PPP1R9A: variants seen among roughly 807,000 people sequenced by gnomAD.
The protein encoded by PPP1R9A is neurabin-1.
PPP1R9A carries 59 observed loss-of-function variants against 141.9 expected under a neutral mutation model. The observed-to-expected ratio is 0.42, with a 90% confidence interval of 0.34 to 0.52. The LOEUF is 0.52. PPP1R9A is among the 20% of genes least tolerant of loss of function. The pLI, the probability that PPP1R9A is intolerant of heterozygous loss-of-function variation, is 0.10. For missense variants in PPP1R9A, 1,444 were observed against 1,611.9 expected (o/e 0.90, Z 1.78); for synonymous variants, 500 against 569.7 (o/e 0.88, Z 1.74).
rs1790073788 is a variant in PPP1R9A at position 95,203,664 on chromosome 7, G to A, written c.1891-1G>A. The A allele has an allele frequency of 6.5e-7, 1 of 1,535,520 alleles. No individual in the cohort carries two copies. The highest frequency in any genetic ancestry group is 1.4e-5 in the African/African-American group (1 of 72,950). On this transcript the variant is annotated splice_acceptor_variant, in intron 6 of 19. Transcript: ENST00000433360. LOFTEE classifies it high-confidence loss of function. ...TTAATATTTTTTGTCAACCATTTTA[G>A]AACACTGTGGCTGAATTGCAAGGAA...
chr7:95,276,542 A>C (rs1585597626), intron 16 of PPP1R9A, among the ~76,000 whole-genome samples: 5 of 152,174 alleles, frequency 3.3e-5, no homozygotes, highest in Non-Finnish European at 7.3e-5. Context: ...TATTGTACAC[A>C]TACCCACACT....
At chr7:94,966,349 C>G (rs763405701) in intron 2 of PPP1R9A, among the ~76,000 whole-genome samples, 1 of 152,256 alleles carries the variant, frequency 6.6e-6, no homozygotes, top group East Asian at 1.9e-4. Context: ...ACTTCCAATA[C>G]TGTGTTGAAT....
At chr7:94,981,390 C>T (rs1800091307) in intron 2 of PPP1R9A, among the ~76,000 whole-genome samples, 1 of 152,134 alleles carries the variant, frequency 6.6e-6, no homozygotes, top group Non-Finnish European at 1.5e-5. Context: ...CAGGAGTGCG[C>T]TACCGCAGCC....
chr7:95,099,007 A>G (rs914316371), intron 2 of PPP1R9A, among the ~76,000 whole-genome samples: 1 of 152,130 alleles, frequency 6.6e-6, no homozygotes, highest in African/African-American at 2.4e-5. Flanking sequence ...TAATCTCACC[A>G]TGTGTGCACA....
At chr7:95,123,828 T>C (rs1457070303) in intron 4 of PPP1R9A, among the ~76,000 whole-genome samples, 1 of 152,218 alleles carries the variant, frequency 6.6e-6, no homozygotes, top group East Asian at 1.9e-4. Flanking sequence ...TTTGTGTGAA[T>C]AACCTTCCAT....
intron 8 of PPP1R9A, among the ~76,000 whole-genome samples, chr7:95,227,651 C>A (rs1425772786): frequency 3.3e-5 from 5 of 152,256 alleles, no homozygotes; most frequent in Middle Eastern, 6.8e-3. Context: ...GTATGGCCTG[C>A]AAATCCTAAA....
At chr7:95,220,781 A>G (rs899786653) in intron 7 of PPP1R9A, among the ~76,000 whole-genome samples, 27 of 152,136 alleles carry the variant, frequency 1.8e-4, no homozygotes, top group African/African-American at 6.3e-4. Context: ...TCAGCTATAC[A>G]GTGGGAGCAT....
intron 8 of PPP1R9A, 134 bp downstream of exon 8, chr7:95,226,250 A>G: frequency 2.3e-6 from 2 of 882,230 alleles, no homozygotes; most frequent in Non-Finnish European, 3.2e-6. Context: ...CTTGAGTCTC[A>G]TTGAATTTCA....
intron 5 of PPP1R9A, among the ~76,000 whole-genome samples, chr7:95,179,565 A>G (rs1833409719): frequency 6.6e-6 from 1 of 152,118 alleles, no homozygotes; most frequent in Non-Finnish European, 1.5e-5. Context: ...AAATCCATAA[A>G]GAGGAAGTCA....
intron 2 of PPP1R9A, among the ~76,000 whole-genome samples, chr7:95,106,768 T>C (rs2152425252): frequency 6.6e-6 from 1 of 152,304 alleles, no homozygotes; most frequent in East Asian, 1.9e-4. Flanking sequence ...AGTATCCTTT[T>C]TTTCTATATC....
intron 2 of PPP1R9A, among the ~76,000 whole-genome samples, chr7:95,074,189 A>G (rs1478404410): frequency 2.0e-5 from 3 of 152,288 alleles, no homozygotes; most frequent in African/African-American, 7.2e-5. Context: ...AAAAGTACTT[A>G]GTTATTGGCA....
rs1806813147 is a variant in PPP1R9A at position 95,294,430 on chromosome 7, A to C, written c.*4127A>C. 6.6e-6 allele frequency: 1 copy of C among 151,728 alleles called. No homozygotes were observed. The highest frequency in any genetic ancestry group is 1.5e-5 in the Non-Finnish European group (1 of 67,932). The allele number at this position is 151,728 out of a possible 1,614,324, so 9.4% of individuals were successfully genotyped here. A position where few individuals can be genotyped will look rare whatever the true frequency, so the allele number is the denominator to read the frequency against. ...ACTACAGGCATGTGCCACCACCCCC[A>C]GCCAAAACATCCATATTTTCTATTA... On this transcript the variant is annotated 3_prime_UTR_variant, in exon 20 of 20. Transcript: ENST00000433360.
intron 8 of PPP1R9A, among the ~76,000 whole-genome samples, chr7:95,242,557 T>C (rs1212379708): frequency 2.6e-5 from 4 of 152,054 alleles, no homozygotes; most frequent in Non-Finnish European, 5.9e-5. Flanking sequence ...ATTATATCGA[T>C]CCGGTAATAT....
chr7:94,928,076 A>T (rs138098538), intron 2 of PPP1R9A, among the ~76,000 whole-genome samples: 2 of 152,322 alleles, frequency 1.3e-5, no homozygotes, highest in Non-Finnish European at 2.9e-5. Flanking sequence ...TACCTTTATC[A>T]GGAGGAGAGG....
chr7:95,030,449 T>A (rs1807506312), intron 2 of PPP1R9A, among the ~76,000 whole-genome samples: 1 of 152,190 alleles, frequency 6.6e-6, no homozygotes, highest in Admixed American at 6.6e-5. Context: ...AGAGAAAAAC[T>A]GTACATTTTG....
intron 2 of PPP1R9A, among the ~76,000 whole-genome samples, chr7:94,994,886 G>A (rs920658178): frequency 4.7e-5 from 7 of 149,182 alleles, no homozygotes; most frequent in African/African-American, 9.9e-5. Flanking sequence ...ACGAGACTCC[G>A]TCTCAAAAAA....
chr7:95,231,218 T>C (rs1054040527), intron 8 of PPP1R9A, among the ~76,000 whole-genome samples: 1 of 152,116 alleles, frequency 6.6e-6, no homozygotes, highest in Non-Finnish European at 1.5e-5. Flanking sequence ...TCTAACTATA[T>C]TTGCAGCTAA....
Position 95,137,339 on chromosome 7 carries a change from G to GT in PPP1R9A, c.1649+16513dup, listed in dbSNP as rs1825836207. 9.0e-5 allele frequency among the ~76,000 whole-genome samples: 12 copies of GT among 132,862 alleles called. No individual in the cohort carries two copies. In the South Asian group the frequency reaches 2.7e-3, roughly 30 times the overall value. 87.2% of individuals were successfully genotyped at this position (132,862 alleles called of 152,430 possible). A position where few individuals can be genotyped will look rare whatever the true frequency, so the allele number is the denominator to read the frequency against. ...TATGAGTAAGAACATGGGGTGTTTG[G>GT]TTTTTTGTCCTTGCGATAGTTTGCT... On this transcript the variant is annotated intron_variant, in intron 4 of 19. Transcript: ENST00000433360.
chr7:94,984,027 G>T (rs1366384814), intron 2 of PPP1R9A, among the ~76,000 whole-genome samples: 1 of 152,162 alleles, frequency 6.6e-6, no homozygotes, highest in East Asian at 1.9e-4. Flanking sequence ...TTTATTGAGA[G>T]TTTTTAGCAT....
Sources: allele counts gnomAD v4.1 joint callset (sites outside exome capture counted in the v4.1 genomes callset), GRCh38; gene constraint gnomAD v4.1.1; transcripts MANE v1.5; gene names NCBI Gene and HGNC (gene_info 2026-07-23, HGNC 2026-07-21).